Variants in NEK10 observed in about 807,000 individuals in gnomAD.
The protein encoded by NEK10 is NIMA related kinase 10.
A neutral mutation model predicts 159.8 loss-of-function variants in NEK10; 122 were observed. That is an observed-to-expected ratio of 0.76 (90% confidence interval 0.66 to 0.89). The LOEUF (loss-of-function observed/expected upper bound fraction) is 0.89. Among genes scored for constraint, NEK10 ranks in the 40% least tolerant of loss-of-function variants. The pLI, the probability that NEK10 is intolerant of heterozygous loss-of-function variation, is 0.00. For missense variants in NEK10, 1,342 were observed against 1,323.1 expected, an observed-to-expected ratio of 1.01 and a Z score of -0.22; for synonymous variants, 466 against 457.1, an observed-to-expected ratio of 1.02 and a Z score of -0.25.
chr3:27,252,956 A>C (rs115499347), intron 23 of NEK10: 217 of 494,776 alleles, frequency 4.4e-4, no homozygotes, highest in African/African-American at 3.9e-3. Context: ...AAATTCTCAA[A>C]ATTTTGAGTG....
rs3213930 is a variant in NEK10, at chr3:27,256,325, G to T, written c.2061C>A (p.Thr687=). 7.0e-6 allele frequency: 11 copies of T among 1,565,326 alleles called. No individual in the cohort carries two copies. Among genetic ancestry groups the T allele is most frequent in the South Asian group, 6.0e-5 (5 of 83,642 alleles). Residue 687 remains threonine, a synonymous_variant, in exon 23 of 36, where the codon ACC becomes ACA. Transcript: ENST00000691995. ...AATACAGGATTGTTCCAACCACAGA[G>T]GTGAGTTTACTGTTTTCTTGTTTTT... ...AKQKQENSKL[T]SVVGTILYSC... is the part of the protein sequence containing the mutation.
chr3:27,193,310 C>A (rs1392175687), intron 25 of NEK10, among the ~76,000 whole-genome samples: 2 of 152,214 alleles, frequency 1.3e-5, no homozygotes, highest in Admixed American at 6.5e-5. Context: ...ATAACACACT[C>A]ATTTCTTGCC....
chr3:27,215,338 A>G (rs777365595), intron 23 of NEK10, among the ~76,000 whole-genome samples: 2 of 152,176 alleles, frequency 1.3e-5, no homozygotes, highest in African/African-American at 2.4e-5. Context: ...AGAATAAACT[A>G]TTTTAGCAAT....
At chr3:27,320,185 G>C (rs2045519041) in intron 6 of NEK10, among the ~76,000 whole-genome samples, 1 of 152,088 alleles carries the variant, frequency 6.6e-6, no homozygotes. Flanking sequence ...TATGTGTCTT[G>C]GTCACAAAAT....
chr3:27,317,148 C>T (rs147090311), intron 6 of NEK10, among the ~76,000 whole-genome samples: 170 of 152,324 alleles, frequency 1.1e-3, no homozygotes, highest in African/African-American at 3.7e-3. Flanking sequence ...TCCCTCCATG[C>T]TCCCATGGAA....
intron 22 of NEK10, among the ~76,000 whole-genome samples, chr3:27,274,495 A>C (rs2041616626): frequency 6.6e-6 from 1 of 152,128 alleles, no homozygotes; most frequent in Non-Finnish European, 1.5e-5. Context: ...ATCATTCTTC[A>C]GAATGGGGTT....
chr3:27,131,817 A>G, intron 32 of NEK10, 63 bp downstream of exon 32: 1 of 866,622 alleles, frequency 1.2e-6, no homozygotes, highest in South Asian at 1.6e-5. Flanking sequence ...AAGGAGGTAT[A>G]AAATGTACCT....
chr3:27,135,550 T>C (rs1463538953), intron 31 of NEK10, among the ~76,000 whole-genome samples: 3 of 152,224 alleles, frequency 2.0e-5, no homozygotes, highest in African/African-American at 7.2e-5. Context: ...ATATATGGAT[T>C]CTTTTAAAGA....
intron 1 of NEK10, among the ~76,000 whole-genome samples, chr3:27,361,811 A>T (rs1212036953): frequency 6.6e-6 from 1 of 152,342 alleles, no homozygotes; most frequent in Non-Finnish European, 1.5e-5. Flanking sequence ...TATAAAATAA[A>T]ATTGAATTTC....
chr3:27,162,206 T>C (rs530996332), intron 30 of NEK10: 16 of 503,990 alleles, frequency 3.2e-5, no homozygotes, highest in African/African-American at 1.9e-4. Flanking sequence ...ATAGGTCAAC[T>C]GGTTAACATT....
At position 27,131,964 on chromosome 3, in the gene NEK10, C is replaced by T. The variant is rs934222357; in HGVS notation, c.2997G>A (p.Leu999=). ...TGAATCTCTCTATAACCCTTCTTTT[C>T]AAATTGTGGTGCAAAGCTGGAGGAA... ...TQLPPALHHN[L]KRRVIERFKK... is the part of the protein sequence containing the mutation. The change falls in exon 32 of 36, where the codon TTG becomes TTA. Residue 999 remains leucine (L), a synonymous_variant. Transcript: ENST00000691995. 1 of 1,606,688 alleles carries T rather than the reference C, an allele frequency of 6.2e-7. No homozygotes were observed. Among genetic ancestry groups the T allele is most frequent in the African/African-American group, 1.3e-5 (1 of 74,708 alleles).
chr3:27,181,106 C>G (rs971241214), intron 26 of NEK10, among the ~76,000 whole-genome samples: 4 of 152,032 alleles, frequency 2.6e-5, no homozygotes, highest in African/African-American at 7.2e-5. Flanking sequence ...CAGAGGTTAT[C>G]CCTTTAATGT....
intron 5 of NEK10, among the ~76,000 whole-genome samples, chr3:27,334,803 T>A (rs1311412413): frequency 6.6e-6 from 1 of 152,188 alleles, no homozygotes; most frequent in African/African-American, 2.4e-5. Context: ...TGTGCAGATG[T>A]CAGTGTAAGA....
intron 6 of NEK10, among the ~76,000 whole-genome samples, chr3:27,321,463 G>A (rs2045628574): frequency 1.3e-5 from 2 of 152,126 alleles, no homozygotes. Context: ...CTGAGGTCAG[G>A]GGTTTGAGAC....
rs1180967736 is a variant in NEK10, at chr3:27,202,493, G to C, written c.2155C>G (p.Leu719Val). The C allele has an allele frequency of 1.2e-6, 2 of 1,613,274 alleles. No homozygotes were observed. The highest frequency in any genetic ancestry group is 1.7e-6 in the Non-Finnish European group (2 of 1,179,622). The change falls in exon 24 of 36, where the codon CTT (leucine) becomes GTT (valine). Residue 719 changes from leucine (L) to valine (V), a missense_variant. By Grantham distance (32) the Leu-to-Val change is conservative (BLOSUM62 1). Transcript: ENST00000691995. Reference sequence around the variant, plus strand: ...GGACTCAAAGTCGCCATCTGATAAAGGATGCAGCCTACTGCCCAGACATCA... The same window carrying C: ...GGACTCAAAGTCGCCATCTGATAAACGATGCAGCCTACTGCCCAGACATCA... ...KADVWAVGCI[L>V]YQMATLSPPF...
chr3:27,151,296 G>A (rs540128042), intron 30 of NEK10, among the ~76,000 whole-genome samples: 1 of 152,146 alleles, frequency 6.6e-6, no homozygotes, highest in Non-Finnish European at 1.5e-5. Flanking sequence ...TGGCACCCAC[G>A]GTTGAGAGAC....
intron 30 of NEK10, 113 bp downstream of exon 30, chr3:27,162,588 A>G: frequency 6.2e-7 from 1 of 1,614,142 alleles, no homozygotes. Flanking sequence ...GAAGCAGGTC[A>G]AGAGGCAGCA....
intron 22 of NEK10, among the ~76,000 whole-genome samples, chr3:27,260,757 C>G (rs1437515309): frequency 6.6e-6 from 1 of 152,098 alleles, no homozygotes; most frequent in Non-Finnish European, 1.5e-5. Context: ...GAAGGATTCC[C>G]TCTTTTTTTT....
intron 22 of NEK10, among the ~76,000 whole-genome samples, chr3:27,276,035 A>G (rs2041746785): frequency 6.6e-6 from 1 of 152,118 alleles, no homozygotes; most frequent in South Asian, 2.1e-4. Context: ...AATCTTGGCT[A>G]TCAGAAGGAG....
Sources: gnomAD v4.1 joint callset for allele counts (sites outside exome capture counted in the v4.1 genomes callset) on GRCh38, gnomAD v4.1.1 for gene constraint, MANE v1.5 for transcripts, NCBI Gene and HGNC (gene_info 2026-07-23, HGNC 2026-07-21) for gene names.